Variants in NBAS observed in about 807,000 individuals in gnomAD.
NBAS encodes the protein NAG/BC035112 fusion.
NBAS carries 219 observed loss-of-function variants against 302.5 expected under a neutral mutation model. That is an observed-to-expected ratio of 0.72 (90% CI 0.65 to 0.81). The LOEUF (loss-of-function observed/expected upper bound fraction) is 0.81. NBAS is among the 30% of genes least tolerant of loss of function. The pLI is 0.00. For missense variants in NBAS, 2,932 were observed against 2,841.6 expected (o/e 1.03, Z -0.72); for synonymous variants, 1,118 against 1,021.6 (o/e 1.09, Z -1.80).
chr2:15,227,979 C>T (rs1489567817), intron 47 of NBAS, among the ~76,000 whole-genome samples: 2 of 152,000 alleles, frequency 1.3e-5, no homozygotes. Context: ...AAAGCAGAAA[C>T]AGACAGATGG....
rs748641351 is a variant in NBAS, at chr2:15,475,773, T to C, written c.1255A>G (p.Lys419Glu). The C allele has an allele frequency of 4.5e-5, 73 of 1,613,980 alleles. No individual in the cohort carries two copies. Among genetic ancestry groups the C allele is most frequent in the Non-Finnish European group, 6.1e-5 (72 of 1,179,990 alleles). The change falls in exon 14 of 52, where the codon AAG becomes GAG. Residue 419 changes from lysine to glutamate, a missense_variant. Lys to Glu is a moderately conservative substitution (Grantham distance 56). Coordinates refer to ENST00000281513, the MANE Select transcript of NBAS (RefSeq NM_015909.4). ...ALTVSSVKTL[K>E]NLLGKSCEWF... Reference sequence around the variant, plus strand: ...TCACAGGATTTTCCCAGTAAATTCTTCAAAGTTTTCACAGATGAAACAGTT... The same window carrying C: ...TCACAGGATTTTCCCAGTAAATTCTCCAAAGTTTTCACAGATGAAACAGTT...
chr2:15,541,076 T>C (rs1002510390), intron 6 of NBAS, among the ~76,000 whole-genome samples: 6 of 152,296 alleles, frequency 3.9e-5, no homozygotes, highest in Admixed American at 3.9e-4. Context: ...TCATCTCCAA[T>C]CTTACTCATC....
At chr2:15,174,558 G>C (rs1183975708) in intron 51 of NBAS, among the ~76,000 whole-genome samples, 1 of 152,232 alleles carries the variant, frequency 6.6e-6, no homozygotes, top group Non-Finnish European at 1.5e-5. Context: ...GCTTAAAAAG[G>C]AAGCACAGCT....
chr2:15,018,196 A>G, the NBAS span, among the ~76,000 whole-genome samples: 1 of 152,038 alleles, frequency 6.6e-6, no homozygotes, highest in East Asian at 1.9e-4. Context: ...AATTACAGCT[A>G]GGAAGGAGAA....
chr2:15,409,393 G>T (rs1676574181), intron 25 of NBAS, among the ~76,000 whole-genome samples: 1 of 152,024 alleles, frequency 6.6e-6, no homozygotes, highest in South Asian at 2.1e-4. Context: ...TCTCTTCCTG[G>T]AATGCTTATT....
chr2:15,097,646 C>T, the NBAS span, among the ~76,000 whole-genome samples: 10,425 of 151,358 alleles, frequency 0.069, 563 homozygotes, highest in African/African-American at 0.15. Context: ...AGAGAGCAGG[C>T]GAGCTTTCTG....
chr2:15,269,426 G>C (rs185841586), intron 44 of NBAS, among the ~76,000 whole-genome samples: 2 of 152,198 alleles, frequency 1.3e-5, no homozygotes, highest in Admixed American at 6.5e-5. Context: ...TGCATGCCGG[G>C]CTACTTTTGC....
rs1256971845 is a variant in NBAS at position 15,461,256 on chromosome 2, T to G, written c.2284A>C (p.Asn762His). The change falls in exon 21 of 52, where the codon AAC becomes CAC. Residue 762 changes from asparagine to histidine, a missense_variant. Transcript: ENST00000281513. Reference protein sequence around the residue: ...LLPHRLAILSNFPETTSPHEY... With the variant: ...LLPHRLAILSHFPETTSPHEY... The stretch of plus-strand genomic sequence containing the variant: ...TGTGGAGAAGTGGTCTCTGGAAAGT[T>G]GGACAGAATTGCAAGGCGATGAGGA... 6.2e-7 allele frequency: 1 copy of G among 1,613,764 alleles called. No homozygotes were observed. The highest frequency in any genetic ancestry group is 2.2e-5 in the East Asian group (1 of 44,858).
chr2:15,322,511 A>G (rs1292668824), intron 38 of NBAS, among the ~76,000 whole-genome samples: 2 of 152,234 alleles, frequency 1.3e-5, no homozygotes, highest in Non-Finnish European at 2.9e-5. Flanking sequence ...TAATTCTAGA[A>G]CAAAACTCAC....
At chr2:15,124,227 T>G in the NBAS span, among the ~76,000 whole-genome samples, 1 of 152,070 alleles carries the variant, frequency 6.6e-6, no homozygotes, top group African/African-American at 2.4e-5. Context: ...GTGGAAGAAA[T>G]TTCTAGACAG....
At chr2:15,113,770 T>C in the NBAS span, among the ~76,000 whole-genome samples, 1 of 152,140 alleles carries the variant, frequency 6.6e-6, no homozygotes, top group Non-Finnish European at 1.5e-5. Context: ...TGCTCTTTTT[T>C]TTTAAAACAA....
chr2:15,337,931 T>C (rs868645142), intron 35 of NBAS, among the ~76,000 whole-genome samples: 40 of 152,352 alleles, frequency 2.6e-4, no homozygotes, highest in African/African-American at 9.4e-4. Context: ...TTAGAGTGTA[T>C]AACAGCAGAA....
the NBAS span, among the ~76,000 whole-genome samples, chr2:14,834,748 C>A: frequency 1.3e-5 from 2 of 152,026 alleles, no homozygotes; most frequent in African/African-American, 4.8e-5. Context: ...GAAGCAAGGA[C>A]TGTGGGAGAG....
chr2:15,508,449 A>C (rs897882824), intron 10 of NBAS, among the ~76,000 whole-genome samples: 1 of 152,194 alleles, frequency 6.6e-6, no homozygotes, highest in Non-Finnish European at 1.5e-5. Context: ...CCAAACCAAA[A>C]GGGACTTTCA....
intron 49 of NBAS, among the ~76,000 whole-genome samples, chr2:15,187,322 A>G (rs1665135780): frequency 6.6e-6 from 1 of 152,178 alleles, no homozygotes; most frequent in South Asian, 2.1e-4. Flanking sequence ...GTGAAGAATC[A>G]GTGTTAATAG....
the NBAS span, among the ~76,000 whole-genome samples, chr2:14,784,457 C>T: frequency 3.0e-4 from 45 of 152,228 alleles, no homozygotes; most frequent in African/African-American, 8.9e-4. Flanking sequence ...TTAGGTCTAA[C>T]GTTTAAGTCT....
chr2:15,405,674 AC>A, intron 25 of NBAS, among the ~76,000 whole-genome samples: 1 of 152,350 alleles, frequency 6.6e-6, no homozygotes, highest in Admixed American at 6.5e-5. Flanking sequence ...CTAGAAAAGA[AC>A]ACAGATGATA....
the NBAS span, among the ~76,000 whole-genome samples, chr2:14,979,725 C>A: frequency 3.5e-4 from 54 of 152,212 alleles, no homozygotes; most frequent in Non-Finnish European, 6.8e-4. Context: ...TCTGGCAACT[C>A]CTCATTATCT....
At chr2:14,945,012 G>A in the NBAS span, among the ~76,000 whole-genome samples, 2 of 152,192 alleles carry the variant, frequency 1.3e-5, no homozygotes, top group African/African-American at 4.8e-5. Flanking sequence ...TGAAGAGGGA[G>A]GGCGACCATC....
Sources: allele counts gnomAD v4.1 joint callset (sites outside exome capture counted in the v4.1 genomes callset), GRCh38; gene constraint gnomAD v4.1.1; transcripts MANE v1.5; gene names NCBI Gene and HGNC (gene_info 2026-07-23, HGNC 2026-07-21).